BCL11A: variants seen among roughly 807,000 people sequenced by gnomAD.
BCL11A encodes the protein BCL11 transcription factor A, also known as B cell CLL/lymphoma 11A.
A neutral mutation model predicts 55.9 loss-of-function variants in BCL11A; 2 were observed. That is an observed-to-expected ratio of 0.04 (90% confidence interval 0.01 to 0.11). The LOEUF (loss-of-function observed/expected upper bound fraction) is 0.11. BCL11A is among the 10% of genes least tolerant of loss of function. The pLI is 1.00. For synonymous variants in BCL11A, 465 were observed against 473.4 expected (o/e 0.98, Z 0.23); for missense variants, 817 against 1,137.1 (o/e 0.72, Z 4.05).
intron 2 of BCL11A, among the ~76,000 whole-genome samples, chr2:60,516,831 T>C (rs1240270569): frequency 6.6e-6 from 1 of 152,166 alleles, no homozygotes; most frequent in Non-Finnish European, 1.5e-5. Flanking sequence ...CACTAAGATA[T>C]CTTGCCATTG....
chr2:60,458,167 G>C lies in BCL11A; in HGVS notation c.*2237C>G, dbSNP rs1676035403. 1 of 1,023,534 alleles carries C rather than the reference G, an allele frequency of 9.8e-7. No individual in the cohort carries two copies. Among genetic ancestry groups the C allele is most frequent in the Admixed American group, 5.8e-5 (1 of 17,260 alleles). 63.4% of individuals were successfully genotyped at this position (1,023,534 alleles called of 1,614,324 possible). On this transcript the variant is annotated 3_prime_UTR_variant, in exon 4 of 4. Transcript: ENST00000642384. ...AACATTTAATTCAAATACCATTCTA[G>C]AAATACAGAAAAAAGACCATAAATG... is the stretch of plus-strand genomic sequence containing the variant.
At chr2:60,505,679 C>T (rs1679547397) in intron 2 of BCL11A, among the ~76,000 whole-genome samples, 1 of 152,214 alleles carries the variant, frequency 6.6e-6, no homozygotes, top group South Asian at 2.1e-4. Context: ...AATAACGACC[C>T]CTCCACATGC....
At position 60,458,219 on chromosome 2, in the gene BCL11A, T is replaced by C. The variant is rs1043852388; in HGVS notation, c.*2185A>G. 3.9e-6 allele frequency: 4 copies of C among 1,024,202 alleles called. No homozygotes were observed. The African/African-American group carries it at 6.8e-5, about 17-fold the overall frequency. The allele number at this position is 1,024,202 out of a possible 1,614,324, so 63.4% of individuals were successfully genotyped here. On this transcript the variant is annotated 3_prime_UTR_variant, in exon 4 of 4. Coordinates refer to ENST00000642384, the MANE Select transcript of BCL11A (RefSeq NM_022893.4). The stretch of plus-strand genomic sequence containing the variant: ...ATTTTAGCATAGGAATCAACATGAG[T>C]GTGCATTTTCCTATATTTAAGTACT...
At chr2:60,477,577 G>A (rs1358026723) in intron 2 of BCL11A, among the ~76,000 whole-genome samples, 1 of 147,910 alleles carries the variant, frequency 6.8e-6, no homozygotes, top group Non-Finnish European at 1.5e-5. Flanking sequence ...TTCTGCACAT[G>A]TATCCCAGAA....
intron 2 of BCL11A, among the ~76,000 whole-genome samples, chr2:60,499,206 G>A (rs1161653127): frequency 2.6e-5 from 4 of 152,198 alleles, no homozygotes; most frequent in Non-Finnish European, 5.9e-5. Flanking sequence ...CAGAACCTAA[G>A]GCCTGGTAGA....
intron 1 of BCL11A, among the ~76,000 whole-genome samples, chr2:60,548,306 T>A (rs79945505): frequency 0.067 from 9,972 of 148,444 alleles, 372 homozygotes; most frequent in Non-Finnish European, 0.084. Flanking sequence ...AAAAAAAAAA[T>A]TTTTTATTTC....
chr2:60,529,467 GAGA>G (rs1264464997), intron 2 of BCL11A, among the ~76,000 whole-genome samples: 1 of 152,148 alleles, frequency 6.6e-6, no homozygotes, highest in Non-Finnish European at 1.5e-5. Context: ...TGTAATCAAA[GAGA>G]AGAAGAAAAG....
At chr2:60,452,888 C>G (rs1285445511), downstream of BCL11A, 1 of 489,192 alleles carries the variant, frequency 2.0e-6, no homozygotes, top group African/African-American at 1.9e-5. Flanking sequence ...TCCGTCCCCC[C>G]AAGGAGGACC....
At chr2:60,525,454 G>C (rs1029274798) in intron 2 of BCL11A, 1 of 152,148 alleles carries the variant, frequency 6.6e-6, no homozygotes, top group Non-Finnish European at 1.5e-5. Context: ...GGGGAATCAC[G>C]AATCCAAGCC....
At chr2:60,475,884 G>A (rs1677564243) in intron 2 of BCL11A, among the ~76,000 whole-genome samples, 1 of 152,210 alleles carries the variant, frequency 6.6e-6, no homozygotes, top group Non-Finnish European at 1.5e-5. Flanking sequence ...CCTCTGGAGA[G>A]ACTGCTAGAG....
exon 5 of BCL11A, chr2:60,451,908 A>T (rs745816081): frequency 4.4e-6 from 1 of 229,428 alleles, no homozygotes; most frequent in Non-Finnish European, 8.6e-6. Flanking sequence ...AAACAGCAAT[A>T]TTACTACTAC....
intron 2 of BCL11A, chr2:60,544,146 G>A (rs1670049057): frequency 6.6e-6 from 1 of 152,250 alleles, no homozygotes; most frequent in South Asian, 2.1e-4. Flanking sequence ...TCAGTAAGAA[G>A]TGTGGTTTTA....
intron 2 of BCL11A, among the ~76,000 whole-genome samples, chr2:60,505,649 C>A (rs998449845): frequency 6.6e-6 from 1 of 152,222 alleles, no homozygotes; most frequent in Non-Finnish European, 1.5e-5. Context: ...CTTCAGGCTG[C>A]CAGAGCAAGA....
chr2:60,521,571 T>C (rs982443509), intron 2 of BCL11A, among the ~76,000 whole-genome samples: 2 of 152,198 alleles, frequency 1.3e-5, no homozygotes, highest in East Asian at 1.9e-4. Context: ...AGCTCTGCAA[T>C]TGCCACTCTG....
chr2:60,451,136 A>C, downstream of BCL11A: 1 of 185,734 alleles, frequency 5.4e-6, no homozygotes, highest in Middle Eastern at 2.0e-3. Flanking sequence ...ACGAGACAGC[A>C]CTGTATACAG....
intron 2 of BCL11A, among the ~76,000 whole-genome samples, chr2:60,541,612 T>A (rs1371559230): frequency 6.6e-6 from 1 of 152,260 alleles, no homozygotes; most frequent in Non-Finnish European, 1.5e-5. Context: ...TGAACATTAG[T>A]CTTTGGATAG....
chr2:60,485,608 A>G (rs963783997), intron 2 of BCL11A, among the ~76,000 whole-genome samples: 5 of 152,170 alleles, frequency 3.3e-5, no homozygotes, highest in Non-Finnish European at 5.9e-5. Flanking sequence ...CCTCCATCCA[A>G]CGTCACGAAG....
Position 60,457,767 on chromosome 2 carries a change from G to T in BCL11A, c.*2637C>A, listed in dbSNP as rs1300455087. The T allele has an allele frequency of 9.7e-7, 1 of 1,030,026 alleles. No homozygotes were observed. The highest frequency in any genetic ancestry group is 1.2e-6 in the Non-Finnish European group (1 of 859,484). The allele number at this position is 1,030,026 out of a possible 1,614,324, so 63.8% of individuals were successfully genotyped here. A position where few individuals can be genotyped will look rare whatever the true frequency, so the allele number is the denominator to read the frequency against. ...GGTGATAGAAGGAAAGGGACAAAAAGCACACTACATAACAAACCAACGTTA... is the reference window on the plus strand; with the variant it reads ...GGTGATAGAAGGAAAGGGACAAAAATCACACTACATAACAAACCAACGTTA... On this transcript the variant is annotated 3_prime_UTR_variant, in exon 4 of 4. Coordinates refer to ENST00000642384, the MANE Select transcript of BCL11A (RefSeq NM_022893.4).
exon 5 of BCL11A, chr2:60,452,059 CCGA>C (rs1334635798): frequency 1.3e-5 from 3 of 226,026 alleles, no homozygotes; most frequent in African/African-American, 6.7e-5. Flanking sequence ...TCCTACCCAC[CCGA>C]TGGGTGTCTG....
Sources: allele counts gnomAD v4.1 joint callset (sites outside exome capture counted in the v4.1 genomes callset), GRCh38; gene constraint gnomAD v4.1.1; transcripts MANE v1.5; gene names NCBI Gene and HGNC (gene_info 2026-07-23, HGNC 2026-07-21).